Variants in USP6NL observed in about 807,000 individuals in gnomAD.
USP6NL encodes the protein USP6 N-terminal-like protein.
In USP6NL, 26 loss-of-function variants were observed where a neutral mutation model predicts 61.9. The observed-to-expected ratio is 0.42, with a 90% CI of 0.31 to 0.58. The LOEUF is 0.58. Among genes scored for constraint, USP6NL ranks in the 20% least tolerant of loss-of-function variants. The pLI is 0.16. For synonymous variants in USP6NL, 432 were observed against 390.1 expected (o/e 1.11, Z -1.27); for missense variants, 1,114 against 1,034.3 (o/e 1.08, Z -1.06).
At position 11,520,417 on chromosome 10, in the gene USP6NL, G is replaced by T. The variant is rs1245430036; in HGVS notation, c.156-1843C>A. Among the ~76,000 whole-genome samples the T allele has an allele frequency of 6.6e-6, 1 of 152,130 alleles. No homozygotes were observed. The highest frequency in any genetic ancestry group is 1.5e-5 in the Non-Finnish European group (1 of 68,014). On this transcript the variant is annotated intron_variant, in intron 4 of 14. Transcript: ENST00000609104. The surrounding 1 kb of genome is among the most constrained non-coding windows in gnomAD (Gnocchi z 5.2). ...TTTTCCCCCTCAAGTCTCTGTGCCG[G>T]CATATGCTTAAATTTCACACCCTTC...
chr10:11,481,676 CT>C lies in USP6NL; in HGVS notation c.1078+93del. 7.4e-7 allele frequency: 1 copy of C among 1,352,652 alleles called. No individual in the cohort carries two copies. Among genetic ancestry groups the C allele is most frequent in the Non-Finnish European group, 9.9e-7 (1 of 1,014,200 alleles). 83.8% of individuals were successfully genotyped at this position (1,352,652 alleles called of 1,614,324 possible). On this transcript the variant is annotated intron_variant, in intron 14 of 14. Transcript: ENST00000609104. The surrounding 1 kb of genome is among the most constrained non-coding windows in gnomAD (Gnocchi z 4.4). ...ACATTATGTCATCACAAGTATAATG[CT>C]TACGCTGTGGGCAAGAAACAGCCCA...
intron 2 of USP6NL, among the ~76,000 whole-genome samples, chr10:11,544,384 T>C (rs1836192264): frequency 6.7e-6 from 1 of 149,104 alleles, no homozygotes; most frequent in East Asian, 1.9e-4. Flanking sequence ...TCTGCCATCC[T>C]TCTCACTGTG....
At chr10:11,586,339 CAAAAAAACTGAGCCATCTTAAATGACCAA>C (rs1417538086) in intron 2 of USP6NL, among the ~76,000 whole-genome samples, 2 of 115,348 alleles carry the variant, frequency 1.7e-5, no homozygotes, top group Non-Finnish European at 3.6e-5. Flanking sequence ...CTTAAATGAC[CAAAAAAACTGAGCCATCTTAAATGACCAA>C]AAAAAAACTG....
rs1306022292 is a variant in USP6NL, at chr10:11,518,430, C to G, written c.195+105G>C. 8 of 951,626 alleles carry G rather than the reference C, an allele frequency of 8.4e-6. No homozygotes were observed. The highest frequency in any genetic ancestry group is 1.2e-5 in the Non-Finnish European group (7 of 589,674). The allele number at this position is 951,626 out of a possible 1,614,324, so 58.9% of individuals were successfully genotyped here. On this transcript the variant is annotated intron_variant, in intron 5 of 14. Coordinates refer to ENST00000609104, the MANE Select transcript of USP6NL (RefSeq NM_014688.5). The surrounding 1 kb of genome is among the most constrained non-coding windows in gnomAD (Gnocchi z 5.3). ...GTCCAAAATCTAACAATGACTGTAC[C>G]ATTCCCATATAATATGGCACTTAAA...
intron 2 of USP6NL, among the ~76,000 whole-genome samples, chr10:11,593,737 T>A (rs1231034010): frequency 6.6e-6 from 1 of 152,172 alleles, no homozygotes; most frequent in Non-Finnish European, 1.5e-5. Context: ...ATTATAAAGC[T>A]TCTAGATGGG....
In USP6NL at chr10:11,574,276, A is replaced by G. The variant is rs765621804; in HGVS notation, c.4+23355T>C. Among the ~76,000 whole-genome samples the G allele has an allele frequency of 1.3e-5, 2 of 152,204 alleles. No homozygotes were observed. The highest frequency in any genetic ancestry group is 2.9e-5 in the Non-Finnish European group (2 of 68,028). ...TTGCATAAAAGATATGGTGCCTCAAAAATATCCTATAAATTCCTTGTCCTC... is the reference window on the plus strand; with the variant it reads ...TTGCATAAAAGATATGGTGCCTCAAGAATATCCTATAAATTCCTTGTCCTC... On this transcript the variant is annotated intron_variant, in intron 2 of 14. Transcript: ENST00000609104. The surrounding 1 kb of genome is among the most constrained non-coding windows in gnomAD (Gnocchi z 4.3).
At position 11,602,266 on chromosome 10, in the gene USP6NL, G is replaced by C. The variant is rs1838560239; in HGVS notation, c.-83-4549C>G. ...GCATCAGAAATGATGCCTCAACCAA[G>C]CTACATTTGTTTCCTCAAAGGCTAT... On this transcript the variant is annotated intron_variant, in intron 1 of 14. Transcript: ENST00000609104. The surrounding 1 kb of genome is among the most constrained non-coding windows in gnomAD (Gnocchi z 4.8). Among the ~76,000 whole-genome samples, 1 of 152,082 alleles carries C rather than the reference G, an allele frequency of 6.6e-6. No homozygotes were observed. The highest frequency in any genetic ancestry group is 2.1e-4 in the South Asian group (1 of 4,834).
Position 11,577,587 on chromosome 10 carries a change from G to A in USP6NL, c.4+20044C>T, listed in dbSNP as rs544409021. 1.2e-4 allele frequency among the ~76,000 whole-genome samples: 19 copies of A among 152,042 alleles called. No homozygotes were observed. The South Asian group carries it at 1.5e-3, about 12-fold the overall frequency. On this transcript the variant is annotated intron_variant, in intron 2 of 14. Coordinates refer to ENST00000609104, the MANE Select transcript of USP6NL (RefSeq NM_014688.5). The stretch of plus-strand genomic sequence containing the variant: ...GCAATCTCGGCTCACTGCAACCTCC[G>A]CCTCCCAGATTCAAGCAATTCTCCT...
chr10:11,462,778 G>A lies in USP6NL; in HGVS notation c.2150C>T (p.Pro717Leu). 6.2e-7 allele frequency: 1 copy of A among 1,613,968 alleles called. No individual in the cohort carries two copies. Among genetic ancestry groups the A allele is most frequent in the South Asian group, 1.1e-5 (1 of 91,070 alleles). Residue 717 changes from proline (P) to leucine (L), a missense_variant, in exon 15 of 15, where the codon CCA (proline) becomes CTA (leucine). By Grantham distance (98) the Pro-to-Leu change is moderately conservative. Coordinates refer to ENST00000609104, the MANE Select transcript of USP6NL (RefSeq NM_014688.5). ...TGGAATGATCAATTTTCCATTCTTT[G>A]GTGACCCTGAATTGCCCGAATATCC... ...AGGYSGNSGS[P>L]KNGKLIIPPV...
At position 11,511,848 on chromosome 10, in the gene USP6NL, C is replaced by A. The variant is rs561358777; in HGVS notation, c.196-2173G>T. ...TATTATACACACACACACACACACA[C>A]ACCCCTTGGGAAGCTATAGGATCCG... On this transcript the variant is annotated intron_variant, in intron 5 of 14. Transcript: ENST00000609104. This position sits in a 1 kb window ranked among gnomAD's most constrained non-coding sequence, Gnocchi z 4.9. Among the ~76,000 whole-genome samples the A allele has an allele frequency of 6.6e-6, 1 of 151,860 alleles. No homozygotes were observed. Among genetic ancestry groups the A allele is most frequent in the African/African-American group, 2.4e-5 (1 of 41,424 alleles).
chr10:11,541,851 A>T (rs1836078859), intron 2 of USP6NL, among the ~76,000 whole-genome samples: 1 of 152,242 alleles, frequency 6.6e-6, no homozygotes, highest in Non-Finnish European at 1.5e-5. Flanking sequence ...AATGCACTAA[A>T]GACAGATGAC....
Position 11,562,434 on chromosome 10 carries a change from G to A in USP6NL, c.5-34867C>T. The A allele has an allele frequency of 1.0e-6, 1 of 985,314 alleles. No individual in the cohort carries two copies. The allele number at this position is 985,314 out of a possible 1,614,324, so 61.0% of individuals were successfully genotyped here. A position where few individuals can be genotyped will look rare whatever the true frequency, so the allele number is the denominator to read the frequency against. On this transcript the variant is annotated intron_variant, in intron 2 of 14. Transcript: ENST00000609104. The surrounding 1 kb of genome is among the most constrained non-coding windows in gnomAD (Gnocchi z 4.8). Reference sequence around the variant, plus strand: ...TTCTTGCTTGGCTCTTGGACCTAAGGATGAAGACGCAGCAGTCATCACGTA... The same window carrying A: ...TTCTTGCTTGGCTCTTGGACCTAAGAATGAAGACGCAGCAGTCATCACGTA...
intron 2 of USP6NL, among the ~76,000 whole-genome samples, chr10:11,538,493 C>T (rs548583811): frequency 6.6e-6 from 1 of 152,182 alleles, no homozygotes; most frequent in East Asian, 1.9e-4. Flanking sequence ...AGTGCCTAAC[C>T]CATGGTAGAT....
At position 11,474,643 on chromosome 10, in the gene USP6NL, T is replaced by C. The variant is rs1832890752; in HGVS notation, c.1078+7127A>G. Among the ~76,000 whole-genome samples the C allele has an allele frequency of 6.6e-6, 1 of 152,218 alleles. No individual in the cohort carries two copies. Among genetic ancestry groups the C allele is most frequent in the South Asian group, 2.1e-4 (1 of 4,836 alleles). On this transcript the variant is annotated intron_variant, in intron 14 of 14. Coordinates refer to ENST00000609104, the MANE Select transcript of USP6NL (RefSeq NM_014688.5). The surrounding 1 kb of genome is among the most constrained non-coding windows in gnomAD (Gnocchi z 4.9). ...CTAAATTTGTGAGTTTAATAAATAC[T>C]AATTTTTAAAATCTAAATAATCCTG...
In USP6NL at chr10:11,470,967, C is replaced by CGA. The variant is rs1832718005; in HGVS notation, c.1079-7120_1079-7119dup. ...TTGGGAGGCCGAGGTGGGCGGATCA[C>CGA]GAGGTCAGGAGATGGAGACCATCCC... On this transcript the variant is annotated intron_variant, in intron 14 of 14. Coordinates refer to ENST00000609104, the MANE Select transcript of USP6NL (RefSeq NM_014688.5). This position sits in a 1 kb window ranked among gnomAD's most constrained non-coding sequence, Gnocchi z 5.4. Among the ~76,000 whole-genome samples the CGA allele has an allele frequency of 6.6e-6, 1 of 152,130 alleles. No individual in the cohort carries two copies. The highest frequency in any genetic ancestry group is 1.5e-5 in the Non-Finnish European group (1 of 68,026).
intron 2 of USP6NL, among the ~76,000 whole-genome samples, chr10:11,571,359 T>G (rs1288793567): frequency 6.6e-6 from 1 of 152,158 alleles, no homozygotes; most frequent in Non-Finnish European, 1.5e-5. Flanking sequence ...GTGCTGGGAT[T>G]ACAGACATAA....
At chr10:11,509,477 C>T in intron 6 of USP6NL, 118 bp downstream of exon 6, 2 of 985,206 alleles carry the variant, frequency 2.0e-6, no homozygotes, top group Non-Finnish European at 2.9e-6. Flanking sequence ...CTAAATTAAA[C>T]CAAAATTTCA....
chr10:11,562,283 C>A lies in USP6NL; in HGVS notation c.5-34716G>T. 4.8e-6 allele frequency: 3 copies of A among 622,068 alleles called. No homozygotes were observed. The highest frequency in any genetic ancestry group is 6.0e-6 in the Non-Finnish European group (3 of 497,632). 38.5% of individuals were successfully genotyped at this position (622,068 alleles called of 1,614,324 possible). A position where few individuals can be genotyped will look rare whatever the true frequency, so the allele number is the denominator to read the frequency against. Reference sequence around the variant, plus strand: ...TCTCAAAAAAAAAAAAAAAAAATTGCATTCCCAGGACCCCCCTGCAGCTAG... The same window carrying A: ...TCTCAAAAAAAAAAAAAAAAAATTGAATTCCCAGGACCCCCCTGCAGCTAG... On this transcript the variant is annotated intron_variant, in intron 2 of 14. Coordinates refer to ENST00000609104, the MANE Select transcript of USP6NL (RefSeq NM_014688.5). The surrounding 1 kb of genome is among the most constrained non-coding windows in gnomAD (Gnocchi z 4.8).
At chr10:11,583,443 A>C (rs1837856708) in intron 2 of USP6NL, among the ~76,000 whole-genome samples, 2 of 151,944 alleles carry the variant, frequency 1.3e-5, no homozygotes, top group African/African-American at 4.8e-5. Flanking sequence ...CACCCACCTC[A>C]GCCTCCCAAA....
Sources: gnomAD v4.1 joint callset for allele counts (sites outside exome capture counted in the v4.1 genomes callset) on GRCh38, gnomAD v4.1.1 for gene constraint, Gnocchi (gnomAD v3.1) non-coding constraint, MANE v1.5 for transcripts, NCBI Gene and HGNC (gene_info 2026-07-23, HGNC 2026-07-21) for gene names.